Variants in FAM13A observed in about 807,000 individuals in gnomAD.
FAM13A encodes family with sequence similarity 13 member A, also known as protein FAM13A.
In FAM13A, 76 loss-of-function variants were observed where a neutral mutation model predicts 129.6. The ratio of observed to expected loss-of-function variants is 0.59; its 90% CI spans 0.49 to 0.71. FAM13A has a LOEUF of 0.71. Ranked by LOEUF, FAM13A falls within the 30% of genes least tolerant of loss-of-function variation. FAM13A has a pLI of 0.00. For missense variants in FAM13A, 1,108 were observed against 1,249.3 expected (o/e 0.89, Z 1.70); for synonymous variants, 443 against 449.9 (o/e 0.98, Z 0.20).
chr4:88,752,351 A>G (rs1385008031), intron 14 of FAM13A, among the ~76,000 whole-genome samples: 1 of 152,234 alleles, frequency 6.6e-6, no homozygotes, highest in African/African-American at 2.4e-5. Context: ...AAGTGCTTCC[A>G]TAAGAGTGGC....
chr4:88,738,890 T>TG (rs975911115), intron 20 of FAM13A, 140 bp downstream of exon 20: 5 of 623,770 alleles, frequency 8.0e-6, no homozygotes, highest in Non-Finnish European at 1.5e-5. Context: ...CTCAAGCTTG[T>TG]GGGCCATGGA....
At chr4:88,890,438 G>C (rs1344696602) in intron 6 of FAM13A, among the ~76,000 whole-genome samples, 1 of 152,094 alleles carries the variant, frequency 6.6e-6, no homozygotes, top group East Asian at 1.9e-4. Flanking sequence ...TTATTCCTTG[G>C]CCTAGGGTTA....
At chr4:89,048,633 C>T (rs1192246604) in intron 1 of FAM13A, among the ~76,000 whole-genome samples, 2 of 152,118 alleles carry the variant, frequency 1.3e-5, no homozygotes, top group Non-Finnish European at 2.9e-5. Flanking sequence ...TCAACAAGTG[C>T]TTGGTAACTT....
chr4:88,797,408 T>C (rs1726434684), intron 8 of FAM13A, among the ~76,000 whole-genome samples: 1 of 151,926 alleles, frequency 6.6e-6, no homozygotes, highest in Non-Finnish European at 1.5e-5. Flanking sequence ...AAGAAACTGG[T>C]GTACATCAAC....
intron 5 of FAM13A, among the ~76,000 whole-genome samples, chr4:88,930,054 A>C (rs535167620): frequency 6.6e-6 from 1 of 151,770 alleles, no homozygotes; most frequent in Non-Finnish European, 1.5e-5. Context: ...TTAAGATATC[A>C]ATCTCTTGGT....
intron 5 of FAM13A, among the ~76,000 whole-genome samples, chr4:88,911,657 T>C (rs1048168365): frequency 5.3e-5 from 8 of 152,308 alleles, no homozygotes; most frequent in South Asian, 2.1e-4. Context: ...TCCCTCCATA[T>C]GCACAGTGGA....
At position 88,731,396 on chromosome 4, in the gene FAM13A, C is replaced by T. The variant is rs1360561019; in HGVS notation, c.2876G>A (p.Arg959Lys). The change falls in exon 23 of 24, where the codon AGA becomes AAA. Residue 959 changes from arginine to lysine, a missense_variant. Coordinates refer to ENST00000264344, the MANE Select transcript of FAM13A (RefSeq NM_014883.4). ...PELLEHLQEM[R>K]EEKKRIRKKL... is the part of the protein sequence containing the mutation. Reference sequence around the variant, plus strand: ...CTTTCGAATCCTTTTCTTTTCTTCTCTCATTTCCTGGAGGTGTTCCAGGAG... The same window carrying T: ...CTTTCGAATCCTTTTCTTTTCTTCTTTCATTTCCTGGAGGTGTTCCAGGAG... 3.1e-6 allele frequency: 5 copies of T among 1,605,754 alleles called. No homozygotes were observed. Among genetic ancestry groups the T allele is most frequent in the Non-Finnish European group, 4.2e-6 (5 of 1,179,322 alleles).
Position 88,749,870 on chromosome 4 carries a change from T to C in FAM13A, c.1980A>G (p.Gln660=). 6.2e-7 allele frequency: 1 copy of C among 1,614,134 alleles called. No homozygotes were observed. The highest frequency in any genetic ancestry group is 8.5e-7 in the Non-Finnish European group (1 of 1,180,014). The part of the protein sequence containing the change: ...SSSLGSYDDE[Q]EDLTPAQLTR... ...TGAGCTGGGCAGGTGTCAGGTCCTC[T>C]TGCTCATCATCATAGGACCCCAGAG... is the stretch of plus-strand genomic sequence containing the variant. The change falls in exon 16 of 24, where the codon CAA becomes CAG. Residue 660 remains glutamine (Q), a synonymous_variant. Coordinates refer to ENST00000264344, the MANE Select transcript of FAM13A (RefSeq NM_014883.4).
At chr4:88,804,009 C>T (rs1042905796) in intron 8 of FAM13A, among the ~76,000 whole-genome samples, 23 of 152,296 alleles carry the variant, frequency 1.5e-4, no homozygotes, top group African/African-American at 5.1e-4. Context: ...GTAATCCCAG[C>T]ACTTAGGGAG....
intron 8 of FAM13A, among the ~76,000 whole-genome samples, chr4:88,791,307 A>G (rs570843143): frequency 2.6e-5 from 4 of 152,242 alleles, no homozygotes; most frequent in Admixed American, 6.5e-5. Flanking sequence ...TAAAGCCTGA[A>G]TTCTTTTAAA....
chr4:88,928,350 C>T (rs575144255), intron 5 of FAM13A, among the ~76,000 whole-genome samples: 8 of 147,678 alleles, frequency 5.4e-5, no homozygotes, highest in Middle Eastern at 3.6e-3. Context: ...CTGCTAAGTC[C>T]GTTTAGTCTA....
Position 88,872,823 on chromosome 4 carries a change from C to A in FAM13A, c.844-21640G>T, listed in dbSNP as rs190411458. Among the ~76,000 whole-genome samples the A allele has an allele frequency of 3.8e-3, 573 of 152,326 alleles. 5 individuals carry two copies. Among genetic ancestry groups the A allele is most frequent in the African/African-American group, 0.013 (553 of 41,566 alleles). ...ATCTACAGAACTCTCCACCTCAAAT[C>A]AACAGAATATACATTCTTCTCAGCA... is the stretch of plus-strand genomic sequence containing the variant. On this transcript the variant is annotated intron_variant, in intron 6 of 23. Transcript: ENST00000264344.
intron 4 of FAM13A, among the ~76,000 whole-genome samples, chr4:88,974,981 T>C (rs1296760029): frequency 6.6e-6 from 1 of 152,180 alleles, no homozygotes; most frequent in Non-Finnish European, 1.5e-5. Context: ...ATGAACCATG[T>C]TGTTTGGCTG....
chr4:88,806,558 A>C (rs968653682), intron 7 of FAM13A, among the ~76,000 whole-genome samples: 1 of 152,192 alleles, frequency 6.6e-6, no homozygotes, highest in African/African-American at 2.4e-5. Flanking sequence ...TGGAACATAA[A>C]ATGTGACACA....
At chr4:88,859,882 A>AGTG (rs1739202223) in intron 6 of FAM13A, among the ~76,000 whole-genome samples, 1 of 149,584 alleles carries the variant, frequency 6.7e-6, no homozygotes, top group Admixed American at 6.7e-5. Context: ...GTGATTTCCA[A>AGTG]GTGTGTCTTT....
intron 7 of FAM13A, among the ~76,000 whole-genome samples, chr4:88,809,485 G>T (rs1729225857): frequency 6.6e-6 from 1 of 152,052 alleles, no homozygotes; most frequent in African/African-American, 2.4e-5. Context: ...ATTCATTGAA[G>T]AAACTAGAAA....
intron 19 of FAM13A, among the ~76,000 whole-genome samples, chr4:88,742,960 T>A (rs1740568252): frequency 6.6e-6 from 1 of 152,216 alleles, no homozygotes; most frequent in Non-Finnish European, 1.5e-5. Context: ...CAAAATACTT[T>A]CACTCCTCTA....
chr4:88,748,368 A>G (rs1741833901), intron 17 of FAM13A, among the ~76,000 whole-genome samples: 1 of 152,172 alleles, frequency 6.6e-6, no homozygotes, highest in Non-Finnish European at 1.5e-5. Context: ...CCCTAACACT[A>G]ATTGCTGAGA....
intron 7 of FAM13A, among the ~76,000 whole-genome samples, chr4:88,810,370 G>A (rs1378999854): frequency 6.6e-6 from 1 of 152,106 alleles, no homozygotes; most frequent in East Asian, 1.9e-4. Flanking sequence ...TTTAGAAACA[G>A]GGTCTTGACA....
Sources: allele counts gnomAD v4.1 joint callset (sites outside exome capture counted in the v4.1 genomes callset), GRCh38; gene constraint gnomAD v4.1.1; transcripts MANE v1.5; gene names NCBI Gene and HGNC (gene_info 2026-07-23, HGNC 2026-07-21).